TASP1: variants seen among roughly 807,000 people sequenced by gnomAD.
TASP1 encodes the protein taspase 1, also known as threonine aspartase 1.
In TASP1, 16 loss-of-function variants were observed where a neutral mutation model predicts 56.6. The observed-to-expected ratio is 0.28, with a 90% CI of 0.19 to 0.43. TASP1 has a LOEUF of 0.43. TASP1 is among the 20% of genes least tolerant of loss of function. The pLI is 1.00. For synonymous variants in TASP1, 179 were observed against 184.2 expected (o/e 0.97, Z 0.23); for missense variants, 393 against 511.6 (o/e 0.77, Z 2.24).
chr20:13,422,197 C>T (rs1289587227), intron 12 of TASP1, among the ~76,000 whole-genome samples: 3 of 151,878 alleles, frequency 2.0e-5, no homozygotes, highest in South Asian at 2.1e-4. Context: ...TTGTTATCCG[C>T]GTGCCTCGGC....
the TASP1 span, chr20:13,298,894 G>A: frequency 2.0e-5 from 31 of 1,585,874 alleles, no homozygotes; most frequent in Non-Finnish European, 2.5e-5. Context: ...CACCTCCTGT[G>A]GGCCGGTTGT....
the TASP1 span, among the ~76,000 whole-genome samples, chr20:13,281,266 G>T: frequency 6.6e-6 from 1 of 152,152 alleles, no homozygotes; most frequent in African/African-American, 2.4e-5. Flanking sequence ...GAGCAAAATA[G>T]TGCCATGGTA....
At chr20:13,449,545 G>A (rs2043538391) in intron 11 of TASP1, among the ~76,000 whole-genome samples, 1 of 152,062 alleles carries the variant, frequency 6.6e-6, no homozygotes, top group South Asian at 2.1e-4. Context: ...TTTTAAGTAA[G>A]TAAATAAATA....
chr20:13,614,806 T>C, intron 4 of TASP1: 1 of 470,078 alleles, frequency 2.1e-6, no homozygotes, highest in Non-Finnish European at 4.4e-6. Flanking sequence ...TTGTTTTAGT[T>C]GGATTCTTTA....
chr20:13,201,914 C>T, the TASP1 span, among the ~76,000 whole-genome samples: 4 of 152,124 alleles, frequency 2.6e-5, no homozygotes, highest in East Asian at 1.9e-4. Flanking sequence ...CCACCATGCC[C>T]GGCTAATTTT....
At chr20:13,463,724 A>C (rs1568834938) in intron 11 of TASP1, among the ~76,000 whole-genome samples, 2 of 152,144 alleles carry the variant, frequency 1.3e-5, no homozygotes, top group Non-Finnish European at 2.9e-5. Context: ...AAGATATACA[A>C]ATGGCCAATA....
chr20:13,471,995 A>G (rs975269240), intron 11 of TASP1, among the ~76,000 whole-genome samples: 1 of 152,098 alleles, frequency 6.6e-6, no homozygotes, highest in Non-Finnish European at 1.5e-5. Flanking sequence ...AGACTATTTT[A>G]AAGTTCATAT....
chr20:13,207,575 G>A, the TASP1 span, among the ~76,000 whole-genome samples: 1 of 152,204 alleles, frequency 6.6e-6, no homozygotes. Context: ...CTGAGAACTG[G>A]AGAGCTGATG....
the TASP1 span, among the ~76,000 whole-genome samples, chr20:13,324,711 CT>C: frequency 6.6e-6 from 1 of 152,216 alleles, no homozygotes; most frequent in African/African-American, 2.4e-5. Context: ...GGCATAATCT[CT>C]TCTTGAGGTT....
the TASP1 span, among the ~76,000 whole-genome samples, chr20:13,246,352 C>T: frequency 6.6e-6 from 1 of 152,008 alleles, no homozygotes; most frequent in Non-Finnish European, 1.5e-5. Flanking sequence ...ATGGTTCATC[C>T]ACTGAGTGAA....
At chr20:13,355,012 G>A in the TASP1 span, among the ~76,000 whole-genome samples, 1 of 152,078 alleles carries the variant, frequency 6.6e-6, no homozygotes, top group Non-Finnish European at 1.5e-5. Flanking sequence ...ATAATAATAT[G>A]AAGAGTGACA....
the TASP1 span, among the ~76,000 whole-genome samples, chr20:13,242,185 G>A: frequency 6.6e-6 from 1 of 152,076 alleles, no homozygotes; most frequent in East Asian, 1.9e-4. Context: ...AGGTGAGGAG[G>A]TCCAAGAACT....
At chr20:13,398,814 C>T (rs1053607478) in intron 13 of TASP1, among the ~76,000 whole-genome samples, 2 of 152,188 alleles carry the variant, frequency 1.3e-5, no homozygotes, top group African/African-American at 4.8e-5. Context: ...AGAATAATAA[C>T]TCCATAGATC....
At chr20:13,185,304 C>G in the TASP1 span, among the ~76,000 whole-genome samples, 1 of 151,982 alleles carries the variant, frequency 6.6e-6, no homozygotes, top group African/African-American at 2.4e-5. Flanking sequence ...GATCACTAAA[C>G]CCCACTCCAA....
the TASP1 span, among the ~76,000 whole-genome samples, chr20:13,158,950 C>A: frequency 2.7e-4 from 41 of 152,316 alleles, no homozygotes; most frequent in African/African-American, 9.6e-4. Context: ...AATACACCAG[C>A]AATCTCTTAA....
chr20:13,437,643 T>TA (rs1840267417), intron 11 of TASP1, among the ~76,000 whole-genome samples: 1 of 152,210 alleles, frequency 6.6e-6, no homozygotes, highest in African/African-American at 2.4e-5. Context: ...CTTAAGCTGA[T>TA]AGACAATTTC....
At chr20:13,258,648 C>A in the TASP1 span, among the ~76,000 whole-genome samples, 1 of 152,100 alleles carries the variant, frequency 6.6e-6, no homozygotes, top group Non-Finnish European at 1.5e-5. Context: ...TTTTCTCGAA[C>A]CTCAGTTAAC....
chr20:13,164,657 CTG>C, the TASP1 span: 2 of 856,136 alleles, frequency 2.3e-6, no homozygotes, highest in East Asian at 2.7e-5. Flanking sequence ...CAAACTAAGA[CTG>C]TGTGTCTTTG....
the TASP1 span, among the ~76,000 whole-genome samples, chr20:13,344,388 C>T: frequency 1.3e-5 from 2 of 152,036 alleles, no homozygotes; most frequent in African/African-American, 4.8e-5. Context: ...TAAAAGCATG[C>T]AATTAATTTA....
Sources: allele counts gnomAD v4.1 joint callset (sites outside exome capture counted in the v4.1 genomes callset), GRCh38; gene constraint gnomAD v4.1.1; transcripts MANE v1.5; gene names NCBI Gene and HGNC (gene_info 2026-07-23, HGNC 2026-07-21).